INPP4B: variants seen among roughly 807,000 people sequenced by gnomAD.
The protein encoded by INPP4B is inositol polyphosphate-4-phosphatase type II B.
INPP4B carries 55 observed loss-of-function variants against 122.5 expected under a neutral mutation model. The ratio of observed to expected loss-of-function variants is 0.45; its 90% confidence interval spans 0.36 to 0.56. The LOEUF (loss-of-function observed/expected upper bound fraction) is 0.56, where lower values mean the gene tolerates loss of function less well. Ranked by LOEUF, INPP4B falls within the 20% of genes least tolerant of loss-of-function variation. INPP4B has a pLI of 0.00. For missense variants in INPP4B, 1,000 were observed against 1,097.7 expected, an observed-to-expected ratio of 0.91 and a Z score of 1.26; for synonymous variants, 403 against 388.7, an observed-to-expected ratio of 1.04 and a Z score of -0.43.
At chr4:142,599,027 G>A (rs542654766) in intron 2 of INPP4B, among the ~76,000 whole-genome samples, 1 of 152,280 alleles carries the variant, frequency 6.6e-6, no homozygotes, top group Non-Finnish European at 1.5e-5. Context: ...CACAGAGAGT[G>A]AGAGAGCCTG....
intron 2 of INPP4B, chr4:142,518,858 C>T (rs1370714166): frequency 1.3e-5 from 2 of 152,160 alleles, no homozygotes; most frequent in African/African-American, 4.8e-5. Flanking sequence ...ATGACTGGAA[C>T]CCCAGCTGAC....
At chr4:142,473,071 T>C (rs1477407151) in intron 2 of INPP4B, among the ~76,000 whole-genome samples, 1 of 152,186 alleles carries the variant, frequency 6.6e-6, no homozygotes, top group Non-Finnish European at 1.5e-5. Context: ...TGACTTGATT[T>C]CTAATAAAGA....
intron 15 of INPP4B, among the ~76,000 whole-genome samples, chr4:142,183,353 G>A (rs888039300): frequency 7.2e-5 from 11 of 152,104 alleles, no homozygotes; most frequent in Admixed American, 5.2e-4. Context: ...ACAAGGAAGA[G>A]GACATTGAAA....
At chr4:142,316,907 G>A (rs1016427850) in intron 7 of INPP4B, among the ~76,000 whole-genome samples, 2 of 152,200 alleles carry the variant, frequency 1.3e-5, no homozygotes, top group South Asian at 4.1e-4. Context: ...AGCACTGGAT[G>A]TGCCAGTGAA....
At chr4:142,429,267 G>T (rs754335944) in intron 4 of INPP4B, 50 bp from the exon 5 acceptor site, 1 of 941,818 alleles carries the variant, frequency 1.1e-6, no homozygotes, top group Non-Finnish European at 1.7e-6. Context: ...GAATTATCAA[G>T]AATATGTCAA....
chr4:142,048,178 T>C (rs1752585666), intron 25 of INPP4B, among the ~76,000 whole-genome samples: 1 of 152,060 alleles, frequency 6.6e-6, no homozygotes, highest in Non-Finnish European at 1.5e-5. Context: ...GAAGTAGAGA[T>C]ATAGAATTTG....
intron 7 of INPP4B, among the ~76,000 whole-genome samples, chr4:142,390,845 C>T (rs1579931717): frequency 6.6e-6 from 1 of 152,178 alleles, no homozygotes; most frequent in Non-Finnish European, 1.5e-5. Context: ...TTGCATAATG[C>T]TGATGCAGTT....
chr4:142,592,574 T>A (rs1444918165), intron 2 of INPP4B, among the ~76,000 whole-genome samples: 1 of 152,212 alleles, frequency 6.6e-6, no homozygotes, highest in African/African-American at 2.4e-5. Flanking sequence ...TATTAAGTTT[T>A]CTTCTTTCTA....
Position 142,838,077 on chromosome 4 carries a change from C to T in INPP4B, c.-254+8132G>A, listed in dbSNP as rs1783030671. Reference sequence around the variant, plus strand: ...TTTATTGCTGTGAACCAGAACAGAGCTTATCACAGTAGCTGGCAAATAGTA... The same window carrying T: ...TTTATTGCTGTGAACCAGAACAGAGTTTATCACAGTAGCTGGCAAATAGTA... On this transcript the variant is annotated intron_variant, in intron 1 of 25. Transcript: ENST00000262992. 2.7e-5 allele frequency among the ~76,000 whole-genome samples: 4 copies of T among 150,716 alleles called. No homozygotes were observed. In the South Asian group the frequency reaches 8.4e-4, roughly 32 times the overall value.
intron 1 of INPP4B, among the ~76,000 whole-genome samples, chr4:142,813,081 C>CTA (rs1396812148): frequency 6.6e-6 from 1 of 152,138 alleles, no homozygotes; most frequent in Admixed American, 6.6e-5. Flanking sequence ...ACCAGTCTCG[C>CTA]TATAGAAGGA....
At chr4:142,085,125 C>A (rs888598682) in intron 24 of INPP4B, among the ~76,000 whole-genome samples, 2 of 152,186 alleles carry the variant, frequency 1.3e-5, no homozygotes, top group African/African-American at 4.8e-5. Context: ...CCTGGGGCTC[C>A]AAGAAGGCAG....
At chr4:142,629,483 C>T (rs1747418733) in intron 2 of INPP4B, among the ~76,000 whole-genome samples, 1 of 151,790 alleles carries the variant, frequency 6.6e-6, no homozygotes. Flanking sequence ...ATGAAGGAAA[C>T]CCTAGAGTGC....
intron 2 of INPP4B, among the ~76,000 whole-genome samples, chr4:142,668,824 A>C (rs369546525): frequency 2.2e-4 from 34 of 152,036 alleles, no homozygotes; most frequent in African/African-American, 8.0e-4. Context: ...CGAGGTGGGC[A>C]GATCACGAGG....
intron 25 of INPP4B, chr4:142,030,184 G>A: frequency 1.3e-6 from 2 of 1,535,602 alleles, no homozygotes; most frequent in Non-Finnish European, 1.7e-6. Context: ...ACAACTAGCA[G>A]GTGTGAGCTG....
At chr4:142,036,194 C>G (rs1453837400) in intron 25 of INPP4B, among the ~76,000 whole-genome samples, 1 of 151,948 alleles carries the variant, frequency 6.6e-6, no homozygotes, top group African/African-American at 2.4e-5. Context: ...TTGCTATTAT[C>G]GTTAATATTA....
At chr4:142,808,253 T>G (rs1328746017) in intron 1 of INPP4B, among the ~76,000 whole-genome samples, 1 of 152,190 alleles carries the variant, frequency 6.6e-6, no homozygotes, top group South Asian at 2.1e-4. Flanking sequence ...CCAAATAAGG[T>G]TTCACAACAG....
At chr4:142,101,292 T>C (rs1784368229) in intron 23 of INPP4B, among the ~76,000 whole-genome samples, 2 of 152,150 alleles carry the variant, frequency 1.3e-5, no homozygotes, top group South Asian at 2.1e-4. Flanking sequence ...CTTTTTTGTT[T>C]ATGGAGCATT....
At chr4:142,043,065 T>G (rs949920657) in intron 25 of INPP4B, among the ~76,000 whole-genome samples, 3 of 152,198 alleles carry the variant, frequency 2.0e-5, no homozygotes, top group African/African-American at 7.2e-5. Flanking sequence ...TTTGAAGTTT[T>G]TGTCCTTGGA....
intron 1 of INPP4B, among the ~76,000 whole-genome samples, chr4:142,813,299 C>T (rs1779739016): frequency 2.6e-5 from 4 of 152,070 alleles, no homozygotes; most frequent in Admixed American, 2.0e-4. Flanking sequence ...TTCTGTCATT[C>T]CTCCCCATTT....
Sources: allele counts gnomAD v4.1 joint callset (sites outside exome capture counted in the v4.1 genomes callset), GRCh38; gene constraint gnomAD v4.1.1; transcripts MANE v1.5; gene names NCBI Gene and HGNC (gene_info 2026-07-23, HGNC 2026-07-21).